The following STMN1 variants were observed in gnomAD, a reference collection of about 807,000 sequenced individuals.
STMN1 encodes the protein stathmin.
Under a neutral mutation model 19.7 loss-of-function variants are expected in STMN1, and 3 were observed. The ratio of observed to expected loss-of-function variants is 0.15; its 90% confidence interval spans 0.07 to 0.39. STMN1 has a LOEUF of 0.39. Ranked by LOEUF, STMN1 falls within the 10% of genes least tolerant of loss-of-function variation. STMN1 has a pLI of 1.00. For missense variants in STMN1, 99 were observed against 176.0 expected (o/e 0.56, Z 2.48); for synonymous variants, 59 against 58.9 (o/e 1.00, Z -0.01).
Position 25,901,526 on chromosome 1 carries a change from G to T in STMN1, c.343C>A (p.Gln115Lys). ...MEANKENREA[Q>K]MAAKLERLRE... ...AAACGTTCCAGTTTGGCAGCCATTT[G>T]TGCCTCTCGGTTCTCTTTATTAGCT... Residue 115 changes from glutamine to lysine, a missense_variant, in exon 4 of 5, where the codon CAA (glutamine) becomes AAA (lysine). Physicochemically the swap from Gln to Lys is moderately conservative, Grantham distance 53. Transcript: ENST00000455785. 6.2e-7 allele frequency: 1 copy of T among 1,611,392 alleles called. No individual in the cohort carries two copies. Among genetic ancestry groups the T allele is most frequent in the Non-Finnish European group, 8.5e-7 (1 of 1,179,262 alleles).
intron 4 of STMN1, among the ~76,000 whole-genome samples, chr1:25,886,634 G>A (rs2048723737): frequency 6.8e-6 from 1 of 146,986 alleles, no homozygotes; most frequent in South Asian, 2.2e-4. Context: ...TGTTGCCCAG[G>A]CTGGAATGCA....
intron 4 of STMN1, chr1:25,889,036 G>A (rs979414947): frequency 4.1e-6 from 2 of 490,050 alleles, no homozygotes; most frequent in Non-Finnish European, 8.1e-6. Flanking sequence ...CAGTGGATTA[G>A]GATGAAAACT....
chr1:25,905,941 G>A (rs1489840529), intron 1 of STMN1: 1 of 152,264 alleles, frequency 6.6e-6, no homozygotes, highest in Non-Finnish European at 1.5e-5. Flanking sequence ...ATCACCAGCT[G>A]CGGTCGCCAG....
intron 2 of STMN1, among the ~76,000 whole-genome samples, chr1:25,904,296 C>T (rs1214747188): frequency 1.3e-5 from 2 of 152,164 alleles, no homozygotes; most frequent in East Asian, 3.8e-4. Context: ...CACTGCACTC[C>T]AGCCTGGGCA....
intron 1 of STMN1, chr1:25,905,885 G>C (rs979710036): frequency 1.3e-5 from 2 of 152,314 alleles, no homozygotes; most frequent in Non-Finnish European, 2.9e-5. Flanking sequence ...GCGTCCGGCC[G>C]CGAAGACAGA....
chr1:25,892,380 C>CT (rs35541438), intron 4 of STMN1: 5,810 of 173,572 alleles, frequency 0.033, 18 homozygotes, highest in Non-Finnish European at 0.043. Context: ...CAGAGCAAGA[C>CT]TTTTTTTTTT....
At chr1:25,897,403 C>T (rs906708346), downstream of STMN1, among the ~76,000 whole-genome samples, 2 of 151,886 alleles carry the variant, frequency 1.3e-5, no homozygotes, top group Non-Finnish European at 2.9e-5. Flanking sequence ...CAAATGAATT[C>T]GCAGTAAGGT....
chr1:25,894,023 TC>T (rs1466034920), intron 4 of STMN1, among the ~76,000 whole-genome samples: 1 of 152,188 alleles, frequency 6.6e-6, no homozygotes, highest in African/African-American at 2.4e-5. Context: ...CAGGAATTCA[TC>T]CTGGGCCTGC....
At chr1:25,890,022 T>TC (rs527248644) in intron 4 of STMN1, among the ~76,000 whole-genome samples, 2 of 152,030 alleles carry the variant, frequency 1.3e-5, no homozygotes, top group Admixed American at 1.3e-4. Flanking sequence ...GTCTGTCTTC[T>TC]CCCCCCAGGA....
In STMN1 at chr1:25,901,099, G is replaced by C. The variant is rs773840143; in HGVS notation, c.379-12C>G. 2 of 1,580,826 alleles carry C rather than the reference G, an allele frequency of 1.3e-6. No individual in the cohort carries two copies. Among genetic ancestry groups the C allele is most frequent in the Admixed American group, 1.8e-5 (1 of 55,012 alleles). On this transcript the variant is annotated splice_polypyrimidine_tract_variant and intron_variant, in intron 4 of 4. Coordinates refer to ENST00000455785, the MANE Select transcript of STMN1 (RefSeq NM_005563.4). The stretch of plus-strand genomic sequence containing the variant: ...TCAATGTGCTTATCCTGTAAAGGAA[G>C]GGTAAGGTGTCATCAGTCAAAAAAA...
At chr1:25,886,984 C>T (rs114507013) in intron 4 of STMN1, among the ~76,000 whole-genome samples, 65 of 152,236 alleles carry the variant, frequency 4.3e-4, no homozygotes, top group African/African-American at 1.5e-3. Context: ...GTCCCCACCA[C>T]CCTGTTCTGA....
chr1:25,892,013 G>A (rs1462300222), intron 4 of STMN1, among the ~76,000 whole-genome samples: 1 of 152,136 alleles, frequency 6.6e-6, no homozygotes. Flanking sequence ...AGCCAGAACC[G>A]GAATACTATT....
chr1:25,905,025 C>A, intron 1 of STMN1: 1 of 264,472 alleles, frequency 3.8e-6, no homozygotes, highest in Non-Finnish European at 7.2e-6. Flanking sequence ...GAATTTTTCC[C>A]CCATAAACTC....
chr1:25,888,601 C>T (rs114378653), intron 4 of STMN1, among the ~76,000 whole-genome samples: 225 of 152,318 alleles, frequency 1.5e-3, no homozygotes, highest in African/African-American at 5.2e-3. Flanking sequence ...ATGACTCCAT[C>T]AGCTATGACT....
At chr1:25,898,063 C>T (rs1189811248), downstream of STMN1, among the ~76,000 whole-genome samples, 1 of 152,150 alleles carries the variant, frequency 6.6e-6, no homozygotes, top group Non-Finnish European at 1.5e-5. Context: ...CTCACCCTGC[C>T]TCCACTTTCT....
At chr1:25,894,477 C>T (rs766168205) in intron 4 of STMN1, among the ~76,000 whole-genome samples, 7 of 152,094 alleles carry the variant, frequency 4.6e-5, no homozygotes, top group East Asian at 1.9e-4. Flanking sequence ...CTCAGGAGTT[C>T]GAGACCGGCC....
chr1:25,888,364 G>C (rs866554684), intron 4 of STMN1, among the ~76,000 whole-genome samples: 1 of 152,294 alleles, frequency 6.6e-6, no homozygotes, highest in South Asian at 2.1e-4. Flanking sequence ...AAGTCAGGCT[G>C]GCTTCTTGAT....
chr1:25,903,133 GAT>G (rs1163866727), intron 3 of STMN1: 1 of 152,164 alleles, frequency 6.6e-6, no homozygotes, highest in Non-Finnish European at 1.5e-5. Flanking sequence ...AGCTTTTAAA[GAT>G]AGTTACTTTA....
intron 4 of STMN1, among the ~76,000 whole-genome samples, chr1:25,888,401 G>T (rs1217637018): frequency 6.6e-6 from 1 of 152,154 alleles, no homozygotes; most frequent in East Asian, 1.9e-4. Flanking sequence ...CTCCTCAAGG[G>T]TGAGAATCCT....
Sources: gnomAD v4.1 joint callset for allele counts (sites outside exome capture counted in the v4.1 genomes callset) on GRCh38, gnomAD v4.1.1 for gene constraint, MANE v1.5 for transcripts, NCBI Gene and HGNC (gene_info 2026-07-23, HGNC 2026-07-21) for gene names.